TANGO6: variants seen among roughly 807,000 people sequenced by gnomAD.
The protein encoded by TANGO6 is transport and Golgi organization protein 6 homolog.
In TANGO6, 90 loss-of-function variants were observed where a neutral mutation model predicts 114.2. The ratio of observed to expected loss-of-function variants is 0.79; its 90% CI spans 0.66 to 0.94. The LOEUF (loss-of-function observed/expected upper bound fraction) is 0.94. Among genes scored for constraint, TANGO6 ranks in the 40% least tolerant of loss-of-function variants. The pLI, the probability that TANGO6 is intolerant of heterozygous loss-of-function variation, is 0.00. For missense variants in TANGO6, 1,274 were observed against 1,315.3 expected (o/e 0.97, Z 0.49); for synonymous variants, 477 against 509.8 (o/e 0.94, Z 0.87).
At chr16:68,957,648 G>A (rs1963546678) in intron 14 of TANGO6, among the ~76,000 whole-genome samples, 2 of 151,624 alleles carry the variant, frequency 1.3e-5, no homozygotes, top group African/African-American at 4.8e-5. Context: ...ATCTGCCCAC[G>A]TTGGCCTCCC....
intron 17 of TANGO6, among the ~76,000 whole-genome samples, chr16:69,080,961 A>T (rs936638604): frequency 6.6e-6 from 1 of 151,974 alleles, no homozygotes; most frequent in Non-Finnish European, 1.5e-5. Context: ...ACACGGTGAA[A>T]CCCTGTCTCT....
chr16:68,844,048 T>C (rs1189952322), intron 1 of TANGO6, among the ~76,000 whole-genome samples: 2 of 151,890 alleles, frequency 1.3e-5, no homozygotes, highest in Non-Finnish European at 2.9e-5. Flanking sequence ...CCAGAGAGGG[T>C]AGGGCGCCCG....
rs1381477996 is a variant in TANGO6, at chr16:69,053,345, T to C, written c.3108+12924T>C. Among the ~76,000 whole-genome samples the C allele has an allele frequency of 1.3e-5, 2 of 152,162 alleles. 1 individual carries two copies. Among genetic ancestry groups the C allele is most frequent in the Middle Eastern group, 6.3e-3 (2 of 316 alleles). On this transcript the variant is annotated intron_variant, in intron 17 of 17. Transcript: ENST00000261778. Reference sequence around the variant, plus strand: ...TTTATGTTATTATGACTGTAACTGTTATCTATTCTATGATCACATTTCCTT... The same window carrying C: ...TTTATGTTATTATGACTGTAACTGTCATCTATTCTATGATCACATTTCCTT...
At chr16:69,078,843 G>C (rs966605117) in intron 17 of TANGO6, among the ~76,000 whole-genome samples, 3 of 152,032 alleles carry the variant, frequency 2.0e-5, no homozygotes, top group African/African-American at 7.2e-5. Context: ...CTTGGTTCCA[G>C]TGATTCTCCC....
At position 68,927,926 on chromosome 16, in the gene TANGO6, A is replaced by C. The variant is rs1963190174; in HGVS notation, c.2486A>C (p.Gln829Pro). ...AATGAGCCCAGCACTACTACAAGTC[A>C]GAAATCTGGAAGCGTAACCACAGAA... ...GVNEPSTTTS[Q>P]KSGSVTTEQL... The change falls in exon 13 of 18, where the codon CAG becomes CCG. Residue 829 changes from glutamine to proline, a missense_variant. Gln to Pro is a moderately conservative substitution (Grantham distance 76). This residue lies in a region of TANGO6 where 908 missense variants were observed against 910.2 expected (regional missense o/e 1.00). Transcript: ENST00000261778. 6.8e-6 allele frequency: 11 copies of C among 1,613,818 alleles called. No homozygotes were observed. The highest frequency in any genetic ancestry group is 1.7e-5 in the Admixed American group (1 of 59,992).
At chr16:68,844,387 A>G (rs1301670518) in intron 1 of TANGO6, among the ~76,000 whole-genome samples, 2 of 152,172 alleles carry the variant, frequency 1.3e-5, no homozygotes, top group South Asian at 2.1e-4. Flanking sequence ...CCTAGGCCCG[A>G]GATCTACTGA....
chr16:69,007,260 T>C lies in TANGO6; in HGVS notation c.2843-15568T>C, dbSNP rs573093973. ...TTTATATGCCACATTTTTTTTTCTT[T>C]TTTCTTTTCTTTTTTTTTTTTTTTT... On this transcript the variant is annotated intron_variant, in intron 15 of 17. Transcript: ENST00000261778. 9 of 150,584 alleles carry C rather than the reference T, an allele frequency of 6.0e-5. No homozygotes were observed. In the East Asian group the frequency reaches 1.7e-3, roughly 29 times the overall value. The allele number at this position is 150,584 out of a possible 1,614,324, so 9.3% of individuals were successfully genotyped here.
intron 14 of TANGO6, among the ~76,000 whole-genome samples, chr16:68,930,668 C>G (rs1192763334): frequency 6.8e-6 from 1 of 146,942 alleles, no homozygotes; most frequent in Non-Finnish European, 1.5e-5. Context: ...CAGAGTCTCG[C>G]TCTGTCACCC....
At chr16:69,070,047 A>G (rs1380894079) in intron 17 of TANGO6, among the ~76,000 whole-genome samples, 21 of 148,680 alleles carry the variant, frequency 1.4e-4, no homozygotes, top group African/African-American at 4.7e-4. Context: ...TCTGTACTAA[A>G]AAAAAAAAAA....
chr16:69,079,903 A>C (rs1960441356), intron 17 of TANGO6, among the ~76,000 whole-genome samples: 1 of 152,236 alleles, frequency 6.6e-6, no homozygotes, highest in African/African-American at 2.4e-5. Flanking sequence ...ATACTTGTAC[A>C]TGTCTGTAAT....
chr16:68,955,032 G>A (rs1417897542), intron 14 of TANGO6, among the ~76,000 whole-genome samples: 1 of 152,194 alleles, frequency 6.6e-6, no homozygotes, highest in Non-Finnish European at 1.5e-5. Context: ...TCAGGGACTA[G>A]TACAGATTGA....
intron 17 of TANGO6, among the ~76,000 whole-genome samples, chr16:69,053,304 A>G (rs1959982934): frequency 6.6e-6 from 1 of 152,112 alleles, no homozygotes; most frequent in Admixed American, 6.6e-5. Context: ...CAGTTTTTTA[A>G]TATCAGCATT....
intron 7 of TANGO6, among the ~76,000 whole-genome samples, chr16:68,884,293 G>C (rs189314921): frequency 6.6e-6 from 1 of 152,282 alleles, no homozygotes; most frequent in African/African-American, 2.4e-5. Flanking sequence ...TACCCTTTGA[G>C]GGTTGACCTG....
At chr16:68,929,567 G>A (rs1013110992) in intron 13 of TANGO6, among the ~76,000 whole-genome samples, 6 of 152,148 alleles carry the variant, frequency 3.9e-5, no homozygotes, top group Non-Finnish European at 8.8e-5. Flanking sequence ...CATTATATAT[G>A]GAGCAGACAC....
At chr16:68,847,840 A>T (rs1170127532) in intron 1 of TANGO6, among the ~76,000 whole-genome samples, 1 of 152,022 alleles carries the variant, frequency 6.6e-6, no homozygotes, top group Non-Finnish European at 1.5e-5. Context: ...TCTCTACTAA[A>T]AATACAAAAA....
At chr16:68,913,478 G>A (rs1014948733) in intron 11 of TANGO6, among the ~76,000 whole-genome samples, 15 of 145,086 alleles carry the variant, frequency 1.0e-4, no homozygotes, top group Admixed American at 8.6e-4. Context: ...GCGCAATCTC[G>A]GCTTACTGCA....
chr16:69,071,073 A>G (rs943244452), intron 17 of TANGO6, among the ~76,000 whole-genome samples: 6 of 152,132 alleles, frequency 3.9e-5, no homozygotes, highest in African/African-American at 1.4e-4. Flanking sequence ...TAAAATTAGG[A>G]ATGCCTTTGT....
At position 69,070,357 on chromosome 16, in the gene TANGO6, G is replaced by A. The variant is rs191631600; in HGVS notation, c.3109-13128G>A. 1.9e-3 allele frequency among the ~76,000 whole-genome samples: 289 copies of A among 152,154 alleles called. 2 individuals carry two copies. Among genetic ancestry groups the A allele is most frequent in the Non-Finnish European group, 3.2e-3 (219 of 67,996 alleles). On this transcript the variant is annotated intron_variant, in intron 17 of 17. Coordinates refer to ENST00000261778, the MANE Select transcript of TANGO6 (RefSeq NM_024562.2). Reference sequence around the variant, plus strand: ...GGATAGAAAAAGATCTTGGGGCCAGGCGCAGTGGCTCACGCCTGTAATCCC... The same window carrying A: ...GGATAGAAAAAGATCTTGGGGCCAGACGCAGTGGCTCACGCCTGTAATCCC...
intron 15 of TANGO6, among the ~76,000 whole-genome samples, chr16:68,983,546 A>C (rs1233308217): frequency 6.6e-6 from 1 of 152,162 alleles, no homozygotes; most frequent in Non-Finnish European, 1.5e-5. Context: ...AGGTCAACTC[A>C]TAGACAAATT....
Sources: allele counts gnomAD v4.1 joint callset (sites outside exome capture counted in the v4.1 genomes callset), GRCh38; gene constraint gnomAD v4.1.1; regional missense constraint gnomAD v4.1.1; transcripts MANE v1.5; gene names NCBI Gene and HGNC (gene_info 2026-07-23, HGNC 2026-07-21).